CNTN4: variants seen among roughly 807,000 people sequenced by gnomAD.
The protein encoded by CNTN4 is contactin-4.
A neutral mutation model predicts 122.5 loss-of-function variants in CNTN4; 77 were observed. The observed-to-expected ratio is 0.63, with a 90% CI of 0.52 to 0.76. The LOEUF (loss-of-function observed/expected upper bound fraction) is 0.76. CNTN4 is among the 30% of genes least tolerant of loss of function. The pLI, the probability that CNTN4 is intolerant of heterozygous loss-of-function variation, is 0.00. For missense variants in CNTN4, 1,256 were observed against 1,259.1 expected, an observed-to-expected ratio of 1.00 and a Z score of 0.04; for synonymous variants, 512 against 447.0, an observed-to-expected ratio of 1.15 and a Z score of -1.83.
chr3:2,691,892 C>T (rs1362186432), intron 4 of CNTN4, among the ~76,000 whole-genome samples: 1 of 152,118 alleles, frequency 6.6e-6, no homozygotes, highest in Non-Finnish European at 1.5e-5. Context: ...TATTTATGAC[C>T]TTTGTTCGTT....
chr3:2,245,493 G>A (rs1232970982), intron 2 of CNTN4, among the ~76,000 whole-genome samples: 1 of 151,932 alleles, frequency 6.6e-6, no homozygotes, highest in Non-Finnish European at 1.5e-5. Context: ...TGACCCAGAG[G>A]GTGATTGTCC....
At position 3,030,875 on chromosome 3, in the gene CNTN4, G is replaced by C; in HGVS notation, c.1683G>C (p.Leu561Phe). Residue 561 changes from leucine (L) to phenylalanine (F), a missense_variant, in exon 16 of 25, where the codon TTG becomes TTC. Leu to Phe is a conservative substitution (Grantham distance 22). Coordinates refer to ENST00000418658, the MANE Select transcript of CNTN4 (RefSeq NM_175607.3). ...ATCAGCAGGATTCAGCTGGTGATTT[G>C]ATGATCCGAAACATCCAACTGAAGC... is the stretch of plus-strand genomic sequence containing the variant. ...RVGGQDSAGDLMIRNIQLKHA... is the reference protein window; with the variant it reads ...RVGGQDSAGDFMIRNIQLKHA... 1 of 1,614,064 alleles carries C rather than the reference G, an allele frequency of 6.2e-7. No homozygotes were observed. The highest frequency in any genetic ancestry group is 2.2e-5 in the East Asian group (1 of 44,888).
intron 13 of CNTN4, among the ~76,000 whole-genome samples, chr3:2,932,738 A>T (rs2151433596): frequency 6.6e-6 from 1 of 152,218 alleles, no homozygotes; most frequent in South Asian, 2.1e-4. Context: ...TTTAAAAGGG[A>T]AAGAGCAAGC....
intron 4 of CNTN4, among the ~76,000 whole-genome samples, chr3:2,706,974 G>A (rs1415658427): frequency 6.6e-6 from 1 of 151,810 alleles, no homozygotes; most frequent in Non-Finnish European, 1.5e-5. Flanking sequence ...TAGATTATGT[G>A]TATGTGTGTG....
At chr3:2,830,750 C>T (rs113645244) in intron 7 of CNTN4, among the ~76,000 whole-genome samples, 22 of 152,232 alleles carry the variant, frequency 1.4e-4, no homozygotes, top group African/African-American at 4.8e-4. Flanking sequence ...TGGAAATATA[C>T]CCTGTGAATC....
chr3:2,570,451 A>G (rs1227862186), intron 3 of CNTN4, among the ~76,000 whole-genome samples: 1 of 152,184 alleles, frequency 6.6e-6, no homozygotes, highest in Non-Finnish European at 1.5e-5. Flanking sequence ...TTCTGGGATT[A>G]CAGGTGTGAA....
intron 3 of CNTN4, among the ~76,000 whole-genome samples, chr3:2,361,625 G>A (rs1465945194): frequency 2.6e-5 from 4 of 152,220 alleles, no homozygotes; most frequent in Non-Finnish European, 5.9e-5. Context: ...ATTGGAATAA[G>A]AGCTGAGTTA....
intron 3 of CNTN4, among the ~76,000 whole-genome samples, chr3:2,398,615 A>G (rs2046726681): frequency 6.6e-6 from 1 of 152,166 alleles, no homozygotes; most frequent in African/African-American, 2.4e-5. Context: ...GATATAGGGT[A>G]GATTTAGACC....
At chr3:2,421,391 A>T (rs1202932796) in intron 3 of CNTN4, among the ~76,000 whole-genome samples, 1 of 151,728 alleles carries the variant, frequency 6.6e-6, no homozygotes, top group Non-Finnish European at 1.5e-5. Context: ...AGCTGGGATT[A>T]TAGGCACTTG....
intron 2 of CNTN4, among the ~76,000 whole-genome samples, chr3:2,289,724 T>C (rs753991225): frequency 2.6e-5 from 4 of 152,186 alleles, no homozygotes; most frequent in Non-Finnish European, 5.9e-5. Context: ...TAATGAAGAA[T>C]GAACTATAAA....
intron 8 of CNTN4, among the ~76,000 whole-genome samples, chr3:2,880,440 G>A (rs1317876113): frequency 6.6e-6 from 1 of 152,218 alleles, no homozygotes; most frequent in Non-Finnish European, 1.5e-5. Flanking sequence ...CTTGCTCACT[G>A]CGCTCAAAGT....
intron 2 of CNTN4, among the ~76,000 whole-genome samples, chr3:2,144,458 A>G (rs1478328977): frequency 1.3e-5 from 2 of 152,220 alleles, no homozygotes; most frequent in South Asian, 2.1e-4. Context: ...GACAAGCACT[A>G]GAGTGAAGAA....
chr3:2,331,888 G>A (rs1372181284), intron 2 of CNTN4, among the ~76,000 whole-genome samples: 2 of 152,228 alleles, frequency 1.3e-5, no homozygotes, highest in South Asian at 2.1e-4. Context: ...GTCCCCTGCC[G>A]CTGGGCTGCG....
rs185676968 is a variant in CNTN4 at position 2,169,472 on chromosome 3, T to C, written c.-145+68833T>C. On this transcript the variant is annotated intron_variant, in intron 2 of 24. Coordinates refer to ENST00000418658, the MANE Select transcript of CNTN4 (RefSeq NM_175607.3). The stretch of plus-strand genomic sequence containing the variant: ...CTCAGGCTGGAGTGCGGTGGCGCGA[T>C]CTCGGCTCACTGCAAGCTCCGCCTC... Among the ~76,000 whole-genome samples the C allele has an allele frequency of 4.2e-4, 64 of 152,206 alleles. No individual in the cohort carries two copies. The East Asian group carries it at 0.011, about 26-fold the overall frequency.
chr3:3,056,088 C>T, intron 24 of CNTN4, 32 bp from the exon 25 acceptor site: 1 of 1,559,026 alleles, frequency 6.4e-7, no homozygotes, highest in South Asian at 1.1e-5. Flanking sequence ...CGGGATGGGG[C>T]TGTTTTGAGT....
At chr3:2,961,993 T>C (rs989108818) in intron 13 of CNTN4, among the ~76,000 whole-genome samples, 1 of 152,178 alleles carries the variant, frequency 6.6e-6, no homozygotes, top group Non-Finnish European at 1.5e-5. Context: ...TTGGGGAAAA[T>C]AGACTTGTCA....
At chr3:2,360,325 A>G (rs1445682120) in intron 3 of CNTN4, among the ~76,000 whole-genome samples, 2 of 152,272 alleles carry the variant, frequency 1.3e-5, no homozygotes, top group East Asian at 3.9e-4. Context: ...GTTCAGTTTA[A>G]AAATGTTTCT....
intron 2 of CNTN4, among the ~76,000 whole-genome samples, chr3:2,326,952 T>C (rs1203655004): frequency 2.0e-5 from 3 of 152,200 alleles, no homozygotes; most frequent in Non-Finnish European, 4.4e-5. Flanking sequence ...TAAAGCTTCC[T>C]TGGACTTGAG....
intron 3 of CNTN4, among the ~76,000 whole-genome samples, chr3:2,400,206 A>G (rs969071171): frequency 6.6e-6 from 1 of 151,736 alleles, no homozygotes; most frequent in Non-Finnish European, 1.5e-5. Flanking sequence ...CTACCACGAA[A>G]TAATATTTTT....
Sources: gnomAD v4.1 joint callset for allele counts (sites outside exome capture counted in the v4.1 genomes callset) on GRCh38, gnomAD v4.1.1 for gene constraint, MANE v1.5 for transcripts, NCBI Gene and HGNC (gene_info 2026-07-23, HGNC 2026-07-21) for gene names.